Variants in NUP160 observed in about 807,000 individuals in gnomAD.
NUP160 encodes the protein nuclear pore complex protein Nup160.
NUP160 carries 94 observed loss-of-function variants against 196.9 expected under a neutral mutation model. The ratio of observed to expected loss-of-function variants is 0.48; its 90% CI spans 0.40 to 0.57. The LOEUF (loss-of-function observed/expected upper bound fraction) is 0.57, where lower values mean the gene tolerates loss of function less well. Among genes scored for constraint, NUP160 ranks in the 20% least tolerant of loss-of-function variants. The probability of loss-of-function intolerance (pLI) is 0.00; values close to 1 mark genes in which losing one functional copy is unlikely to be tolerated. For synonymous variants in NUP160, 605 were observed against 619.7 expected (o/e 0.98, Z 0.35); for missense variants, 1,638 against 1,748.3 (o/e 0.94, Z 1.13).
chr11:47,839,798 C>T (rs1852258045), intron 4 of NUP160, 45 bp downstream of exon 4: 5 of 1,476,616 alleles, frequency 3.4e-6, no homozygotes, highest in Non-Finnish European at 4.7e-6. Context: ...TCAATGTTAA[C>T]ATTCCTTGTT....
exon 36 of NUP160, chr11:47,779,075 G>A (rs771020006): frequency 6.5e-7 from 1 of 1,532,510 alleles, no homozygotes; most frequent in Non-Finnish European, 9.0e-7. Context: ...GAGGCACCAA[G>A]CGGTTACAAA....
intron 14 of NUP160, 74 bp downstream of exon 14, chr11:47,813,242 T>C: frequency 8.4e-7 from 1 of 1,185,990 alleles, no homozygotes. Context: ...TCGATATTTT[T>C]TGTATCCATG....
chr11:47,840,846 A>G (rs539239637), intron 2 of NUP160, among the ~76,000 whole-genome samples: 1 of 152,356 alleles, frequency 6.6e-6, no homozygotes, highest in East Asian at 1.9e-4. Flanking sequence ...ACAATATTTT[A>G]TGCAATTAAC....
At chr11:47,846,619 A>G (rs1766425367) in intron 2 of NUP160, among the ~76,000 whole-genome samples, 1 of 152,022 alleles carries the variant, frequency 6.6e-6, no homozygotes, top group Admixed American at 6.6e-5. Context: ...CTACTTTTCT[A>G]TTTCTAGTCA....
intron 14 of NUP160, 45 bp downstream of exon 14, chr11:47,813,271 T>C: frequency 2.2e-6 from 3 of 1,362,170 alleles, no homozygotes; most frequent in Non-Finnish European, 3.1e-6. Context: ...AGCATAGGGT[T>C]TATATAGGAA....
chr11:47,781,050 C>A (rs1038623902), intron 34 of NUP160, among the ~76,000 whole-genome samples: 2 of 151,484 alleles, frequency 1.3e-5, no homozygotes, highest in Admixed American at 6.6e-5. Flanking sequence ...TATGGTGAAA[C>A]CCCGTCTCTA....
At chr11:47,791,007 T>TA (rs1461537912) in intron 29 of NUP160, among the ~76,000 whole-genome samples, 1 of 152,228 alleles carries the variant, frequency 6.6e-6, no homozygotes. Flanking sequence ...CAAATCATGT[T>TA]AGAGTCTATA....
intron 21 of NUP160, among the ~76,000 whole-genome samples, chr11:47,804,038 G>A (rs11039401): frequency 0.36 from 53,957 of 151,754 alleles, 10,754 homozygotes; most frequent in South Asian, 0.52. Flanking sequence ...AAAATTAGCT[G>A]GGCGCGGTGG....
At chr11:47,827,075 GA>G (rs1565204799) in intron 7 of NUP160, 1 of 455,864 alleles carries the variant, frequency 2.2e-6, no homozygotes, top group Non-Finnish European at 4.4e-6. Flanking sequence ...GGGCACTTAC[GA>G]AAAATTCAGG....
intron 7 of NUP160, among the ~76,000 whole-genome samples, chr11:47,832,022 C>T (rs1370085521): frequency 1.3e-5 from 2 of 151,126 alleles, no homozygotes; most frequent in Non-Finnish European, 2.9e-5. Context: ...CTGCCTCAGC[C>T]TCCTGAGCAG....
chr11:47,841,074 AT>A, intron 2 of NUP160, among the ~76,000 whole-genome samples: 1 of 152,292 alleles, frequency 6.6e-6, no homozygotes, highest in East Asian at 1.9e-4. Flanking sequence ...ATGTGCAAAA[AT>A]ATTACAAAAA....
At chr11:47,791,583 C>CT (rs1308587956) in intron 29 of NUP160, among the ~76,000 whole-genome samples, 1 of 152,112 alleles carries the variant, frequency 6.6e-6, no homozygotes, top group African/African-American at 2.4e-5. Context: ...TCAGGTGATC[C>CT]ACCTGCCTCG....
chr11:47,846,163 GAAA>G (rs202202466), intron 2 of NUP160, among the ~76,000 whole-genome samples: 1 of 147,988 alleles, frequency 6.8e-6, no homozygotes, highest in Non-Finnish European at 1.5e-5. Flanking sequence ...AAAGCAGAAA[GAAA>G]AAAAAATTTT....
At position 47,840,665 on chromosome 11, in the gene NUP160, T is replaced by A. The variant is rs956548723; in HGVS notation, c.315-77A>T. The stretch of plus-strand genomic sequence containing the variant: ...GTTCTACTGAAATATATGAGAACAG[T>A]GTCCAAGTGAACTCACCAAATTTGA... On this transcript the variant is annotated intron_variant, in intron 2 of 35. Transcript: ENST00000378460. 3 of 1,213,688 alleles carry A rather than the reference T, an allele frequency of 2.5e-6. No homozygotes were observed. In the East Asian group the frequency reaches 7.1e-5, roughly 29 times the overall value. 75.2% of individuals were successfully genotyped at this position (1,213,688 alleles called of 1,614,324 possible). A position where few individuals can be genotyped will look rare whatever the true frequency, so the allele number is the denominator to read the frequency against.
chr11:47,801,645 C>T (rs1031583050), intron 23 of NUP160, among the ~76,000 whole-genome samples, 166 bp downstream of exon 23: 4 of 152,128 alleles, frequency 2.6e-5, no homozygotes, highest in South Asian at 2.1e-4. Flanking sequence ...CCACCGTGCC[C>T]GGCCATGTTT....
intron 27 of NUP160, among the ~76,000 whole-genome samples, chr11:47,794,836 T>C (rs902662259): frequency 1.3e-5 from 2 of 151,434 alleles, no homozygotes; most frequent in Non-Finnish European, 1.5e-5. Context: ...CGCTTGAACC[T>C]GGGAAGGCGG....
intron 10 of NUP160, among the ~76,000 whole-genome samples, chr11:47,818,346 C>A (rs774132084): frequency 3.9e-5 from 6 of 152,148 alleles, no homozygotes; most frequent in Non-Finnish European, 7.4e-5. Flanking sequence ...GTGTTCCTCA[C>A]GGAGAGCTTC....
chr11:47,838,550 A>G (rs1852226075), intron 4 of NUP160, among the ~76,000 whole-genome samples: 2 of 151,978 alleles, frequency 1.3e-5, no homozygotes, highest in East Asian at 1.9e-4. Context: ...TCTACTAAAA[A>G]TTCAAAAATT....
At chr11:47,788,233 C>T (rs746741315) in exon 31 of NUP160, 2 of 1,614,020 alleles carry the variant, frequency 1.2e-6, no homozygotes, top group Non-Finnish European at 1.7e-6. Context: ...AAAAGTCTGA[C>T]AGAGTGATAT....
Sources: gnomAD v4.1 joint callset for allele counts (sites outside exome capture counted in the v4.1 genomes callset) on GRCh38, gnomAD v4.1.1 for gene constraint, MANE v1.5 for transcripts, NCBI Gene and HGNC (gene_info 2026-07-23, HGNC 2026-07-21) for gene names.